CDK14: variants seen among roughly 807,000 people sequenced by gnomAD.
CDK14 encodes cyclin dependent kinase 14.
In CDK14, 34 loss-of-function variants were observed where a neutral mutation model predicts 60.7. The observed-to-expected ratio is 0.56, with a 90% CI of 0.43 to 0.75. The LOEUF (loss-of-function observed/expected upper bound fraction) is 0.75. Among genes scored for constraint, CDK14 ranks in the 30% least tolerant of loss-of-function variants. The probability of loss-of-function intolerance (pLI) is 0.00; values close to 1 mark genes in which losing one functional copy is unlikely to be tolerated. For synonymous variants in CDK14, 197 were observed against 203.7 expected (o/e 0.97, Z 0.28); for missense variants, 482 against 564.1 (o/e 0.85, Z 1.47).
At position 90,747,730 on chromosome 7, in the gene CDK14, A is replaced by T; in HGVS notation, c.419A>T (p.Lys140Ile). The change falls in exon 4 of 15, where the codon AAA becomes ATA. Residue 140 changes from lysine (K) to isoleucine (I), a missense_variant. By Grantham distance (102) the Lys-to-Ile change is moderately radical. Coordinates refer to ENST00000380050, the MANE Select transcript of CDK14 (RefSeq NM_001287135.2). The part of the protein sequence containing the change: ...GKADSYEKLE[K>I]LGEGSYATVY... ...GCTGACTCATATGAAAAGCTGGAAA[A>T]ACTAGGGGAAGGATCTTATGCTACA... is the stretch of plus-strand genomic sequence containing the variant. 6.3e-7 allele frequency: 1 copy of T among 1,597,858 alleles called. No individual in the cohort carries two copies. Among genetic ancestry groups the T allele is most frequent in the Non-Finnish European group, 8.5e-7 (1 of 1,175,028 alleles).
intron 14 of CDK14, among the ~76,000 whole-genome samples, chr7:91,197,806 T>C (rs1199178475): frequency 3.9e-5 from 6 of 152,374 alleles, no homozygotes; most frequent in Non-Finnish European, 5.9e-5. Context: ...TATAGAAATA[T>C]AGCAACATGC....
intron 12 of CDK14, among the ~76,000 whole-genome samples, chr7:91,094,030 G>C (rs1280898541): frequency 6.6e-6 from 1 of 152,050 alleles, no homozygotes; most frequent in Non-Finnish European, 1.5e-5. Context: ...ATTGGGAGGA[G>C]GGGGAGGGGT....
In CDK14 at chr7:90,634,877, T is replaced by G. The variant is rs959043855; in HGVS notation, c.123+30628T>G. Reference sequence around the variant, plus strand: ...GTGGTTTTGATTTGCATCTCTCTGATGGCCAGTGATGATGAGCATTTTTTC... The same window carrying G: ...GTGGTTTTGATTTGCATCTCTCTGAGGGCCAGTGATGATGAGCATTTTTTC... On this transcript the variant is annotated intron_variant, in intron 2 of 14. Coordinates refer to ENST00000380050, the MANE Select transcript of CDK14 (RefSeq NM_001287135.2). 7.2e-5 allele frequency among the ~76,000 whole-genome samples: 11 copies of G among 152,258 alleles called. 1 individual carries two copies. The South Asian group carries it at 1.7e-3, about 23-fold the overall frequency.
intron 2 of CDK14, among the ~76,000 whole-genome samples, chr7:90,672,104 G>C (rs998738780): frequency 1.3e-5 from 2 of 152,172 alleles, no homozygotes; most frequent in African/African-American, 4.8e-5. Flanking sequence ...TCTGAGTAAA[G>C]CTAAGAGAGG....
At position 90,943,576 on chromosome 7, in the gene CDK14, T is replaced by G. The variant is rs565924628; in HGVS notation, c.827-12121T>G. On this transcript the variant is annotated intron_variant, in intron 8 of 14. Transcript: ENST00000380050. ...CTGGTAGCTTGTATATTAATAGCCT[T>G]ATGGTATAAATAAGAATATTAATAG... Among the ~76,000 whole-genome samples the G allele has an allele frequency of 2.6e-5, 4 of 152,334 alleles. No homozygotes were observed. The South Asian group carries it at 6.2e-4, about 24-fold the overall frequency.
At chr7:90,860,390 C>T (rs1037324447) in intron 5 of CDK14, among the ~76,000 whole-genome samples, 3 of 151,812 alleles carry the variant, frequency 2.0e-5, no homozygotes, top group Admixed American at 1.3e-4. Flanking sequence ...AGGAGATAAT[C>T]CAAAAGGCGG....
At chr7:90,695,173 C>A (rs189881495) in intron 2 of CDK14, among the ~76,000 whole-genome samples, 1 of 152,310 alleles carries the variant, frequency 6.6e-6, no homozygotes, top group Non-Finnish European at 1.5e-5. Flanking sequence ...CCTTGTCCCC[C>A]ACTTTCCCCA....
chr7:90,754,366 A>G (rs1201970852), intron 4 of CDK14, among the ~76,000 whole-genome samples: 1 of 152,202 alleles, frequency 6.6e-6, no homozygotes, highest in East Asian at 1.9e-4. Context: ...GTTAACAAAA[A>G]TAAGTGATGG....
chr7:91,047,481 A>G (rs1019285682), intron 11 of CDK14, among the ~76,000 whole-genome samples: 1 of 152,250 alleles, frequency 6.6e-6, no homozygotes, highest in African/African-American at 2.4e-5. Context: ...TCATGACACC[A>G]GGGACTGTTC....
chr7:90,833,342 T>TATAA (rs1190335767), intron 5 of CDK14, among the ~76,000 whole-genome samples: 1 of 152,204 alleles, frequency 6.6e-6, no homozygotes, highest in Non-Finnish European at 1.5e-5. Flanking sequence ...GGGAAGCATT[T>TATAA]ATAAATGCAT....
At position 90,881,216 on chromosome 7, in the gene CDK14, C is replaced by T. The variant is rs535476123; in HGVS notation, c.639+17947C>T. Among the ~76,000 whole-genome samples the T allele has an allele frequency of 1.2e-4, 18 of 151,502 alleles. No individual in the cohort carries two copies. The South Asian group carries it at 2.4e-3, about 20-fold the overall frequency. The stretch of plus-strand genomic sequence containing the variant: ...CCTTGATAAAAGGTTAGAAGAATTG[C>T]TAACTAAAATAACCAGTTTAGGGAG... On this transcript the variant is annotated intron_variant, in intron 6 of 14. Coordinates refer to ENST00000380050, the MANE Select transcript of CDK14 (RefSeq NM_001287135.2).
chr7:90,829,160 C>T (rs1239317163), intron 5 of CDK14, among the ~76,000 whole-genome samples: 2 of 152,058 alleles, frequency 1.3e-5, no homozygotes, highest in Non-Finnish European at 2.9e-5. Flanking sequence ...AATACCTACT[C>T]CAGTGACAAT....
intron 2 of CDK14, among the ~76,000 whole-genome samples, chr7:90,676,197 A>T (rs1007751324): frequency 6.6e-5 from 10 of 152,236 alleles, no homozygotes; most frequent in African/African-American, 2.4e-4. Flanking sequence ...TCTAAATAGT[A>T]TGTTACATAG....
chr7:91,015,269 A>C (rs1295823326), intron 10 of CDK14, among the ~76,000 whole-genome samples: 2 of 152,158 alleles, frequency 1.3e-5, no homozygotes, highest in Non-Finnish European at 2.9e-5. Context: ...CTCCTTCCTC[A>C]AGACACTCCC....
At chr7:90,742,885 G>T (rs1015630637) in intron 3 of CDK14, among the ~76,000 whole-genome samples, 8 of 151,928 alleles carry the variant, frequency 5.3e-5, no homozygotes, top group Non-Finnish European at 7.4e-5. Context: ...TATCGGAAAT[G>T]CTTGGTACGG....
chr7:90,983,635 G>A (rs138083916), intron 9 of CDK14, among the ~76,000 whole-genome samples: 2,033 of 150,564 alleles, frequency 0.014, 30 homozygotes, highest in Non-Finnish European at 0.019. Context: ...AGCAGAGATC[G>A]CGCCACTGCA....
chr7:90,886,822 G>T (rs180930205), intron 6 of CDK14, among the ~76,000 whole-genome samples: 78 of 152,232 alleles, frequency 5.1e-4, no homozygotes, highest in Admixed American at 2.6e-3. Flanking sequence ...TGAAAAAAAA[G>T]TTCTTTTTTC....
intron 14 of CDK14, among the ~76,000 whole-genome samples, chr7:91,132,392 G>A (rs1046167520): frequency 2.6e-5 from 4 of 152,066 alleles, no homozygotes; most frequent in African/African-American, 4.8e-5. Flanking sequence ...TGGGAGATAC[G>A]GAGTGAGAAG....
intron 8 of CDK14, among the ~76,000 whole-genome samples, chr7:90,931,260 C>G (rs772726719): frequency 6.6e-6 from 1 of 152,266 alleles, no homozygotes; most frequent in South Asian, 2.1e-4. Context: ...GCCTTTGAAT[C>G]ACTGAGTGCC....
Sources: allele counts gnomAD v4.1 joint callset (sites outside exome capture counted in the v4.1 genomes callset), GRCh38; gene constraint gnomAD v4.1.1; transcripts MANE v1.5; gene names NCBI Gene and HGNC (gene_info 2026-07-23, HGNC 2026-07-21).